The following CLIC5 variants were observed in gnomAD, a reference collection of about 807,000 sequenced individuals.
CLIC5 encodes the protein CLIC family member 5.
A neutral mutation model predicts 24.7 loss-of-function variants in CLIC5; 20 were observed. The ratio of observed to expected loss-of-function variants is 0.81; its 90% CI spans 0.57 to 1.18. The LOEUF (loss-of-function observed/expected upper bound fraction) is 1.18. Ranked by LOEUF, CLIC5 falls within the 50% of genes most tolerant of loss-of-function variation. CLIC5 has a pLI of 0.00. For synonymous variants in CLIC5, 159 were observed against 135.6 expected, an observed-to-expected ratio of 1.17 and a Z score of -1.20; for missense variants, 341 against 326.1, an observed-to-expected ratio of 1.05 and a Z score of -0.35.
intron 1 of CLIC5, among the ~76,000 whole-genome samples, chr6:46,020,879 C>G (rs1767158341): frequency 6.6e-6 from 1 of 151,626 alleles, no homozygotes; most frequent in Non-Finnish European, 1.5e-5. Context: ...AAGTAGATAA[C>G]CTGAATAGTC....
chr6:45,941,691 C>T (rs1197310662), intron 3 of CLIC5, 38 bp from the exon 4 acceptor site: 1 of 1,442,110 alleles, frequency 6.9e-7, no homozygotes, highest in African/African-American at 1.4e-5. Flanking sequence ...AATCAGTAGA[C>T]TTGGAGCTCC....
chr6:46,034,435 T>C (rs746952394), intron 1 of CLIC5, among the ~76,000 whole-genome samples: 2 of 152,200 alleles, frequency 1.3e-5, no homozygotes, highest in African/African-American at 2.4e-5. Context: ...TTTAACATAC[T>C]GTATTTAAGA....
At chr6:46,004,025 A>AC (rs1766453465) in intron 1 of CLIC5, among the ~76,000 whole-genome samples, 1 of 152,234 alleles carries the variant, frequency 6.6e-6, no homozygotes, top group African/African-American at 2.4e-5. Flanking sequence ...GTATGTACAC[A>AC]CAAGGAACCA....
the CLIC5 span, among the ~76,000 whole-genome samples, chr6:46,121,470 C>T: frequency 3.3e-4 from 50 of 152,314 alleles, no homozygotes; most frequent in South Asian, 1.5e-3. Flanking sequence ...CCAGCCACTA[C>T]AAAAACATGC....
the CLIC5 span, among the ~76,000 whole-genome samples, chr6:46,111,904 A>C: frequency 6.6e-6 from 1 of 152,146 alleles, no homozygotes; most frequent in South Asian, 2.1e-4. Context: ...TTCCCTGCAC[A>C]AGTTCTCTCT....
upstream of CLIC5, among the ~76,000 whole-genome samples, chr6:46,020,192 T>A (rs967697995): frequency 6.6e-6 from 1 of 152,152 alleles, no homozygotes; most frequent in Non-Finnish European, 1.5e-5. Flanking sequence ...CAGAACAAAC[T>A]TCATTACGTT....
At chr6:45,912,895 T>C (rs1042865855) in intron 5 of CLIC5, among the ~76,000 whole-genome samples, 1 of 152,254 alleles carries the variant, frequency 6.6e-6, no homozygotes, top group Non-Finnish European at 1.5e-5. Context: ...ACTCCATTTT[T>C]ATGCATGATT....
chr6:45,933,988 G>GA (rs2127355049), intron 4 of CLIC5, among the ~76,000 whole-genome samples: 1 of 152,334 alleles, frequency 6.6e-6, no homozygotes, highest in South Asian at 2.1e-4. Context: ...GAAGTCACAG[G>GA]AGGGGAGAGC....
upstream of CLIC5, among the ~76,000 whole-genome samples, chr6:46,082,486 G>A (rs577438123): frequency 6.2e-4 from 95 of 152,250 alleles, no homozygotes; most frequent in Non-Finnish European, 9.7e-4. Flanking sequence ...GGCCCACATG[G>A]CCCTGCATAA....
the CLIC5 span, among the ~76,000 whole-genome samples, chr6:46,088,073 G>C: frequency 2.3e-3 from 351 of 151,742 alleles, no homozygotes; most frequent in African/African-American, 8.2e-3. Context: ...ATCATTTAGG[G>C]ATTTTCTTCT....
chr6:46,044,982 G>A (rs913759293), intron 1 of CLIC5, among the ~76,000 whole-genome samples: 5 of 152,104 alleles, frequency 3.3e-5, no homozygotes, highest in African/African-American at 7.2e-5. Context: ...CTCCAGAAGC[G>A]GCTGGCATCT....
chr6:46,089,359 T>C, the CLIC5 span, among the ~76,000 whole-genome samples: 1 of 152,002 alleles, frequency 6.6e-6, no homozygotes, highest in African/African-American at 2.4e-5. Context: ...ATCATCTAAA[T>C]TTTCCCAGTC....
chr6:46,044,701 T>C (rs530911754), intron 1 of CLIC5, among the ~76,000 whole-genome samples: 12 of 152,298 alleles, frequency 7.9e-5, no homozygotes, highest in African/African-American at 2.4e-4. Flanking sequence ...CTATTTTTCT[T>C]ATATGATTTG....
At chr6:46,026,845 T>C (rs1767344228) in intron 1 of CLIC5, among the ~76,000 whole-genome samples, 1 of 151,954 alleles carries the variant, frequency 6.6e-6, no homozygotes, top group Non-Finnish European at 1.5e-5. Flanking sequence ...ACAATTGAAA[T>C]AAAGCTAACA....
At chr6:46,119,949 T>C in the CLIC5 span, among the ~76,000 whole-genome samples, 1 of 152,166 alleles carries the variant, frequency 6.6e-6, no homozygotes, top group Non-Finnish European at 1.5e-5. Context: ...TGGAACTGGG[T>C]GGAGCCCACC....
At chr6:46,012,432 C>T (rs537306053) in intron 1 of CLIC5, among the ~76,000 whole-genome samples, 1 of 152,314 alleles carries the variant, frequency 6.6e-6, no homozygotes, top group African/African-American at 2.4e-5. Context: ...GGGAAATAAT[C>T]TCTTAAAAGT....
intron 1 of CLIC5, among the ~76,000 whole-genome samples, chr6:46,038,843 C>G (rs1364257518): frequency 1.3e-5 from 2 of 152,100 alleles, no homozygotes; most frequent in African/African-American, 2.4e-5. Context: ...ATTTATCTTC[C>G]TAGATGTTGT....
At chr6:46,005,628 T>C (rs1318207985) in intron 1 of CLIC5, among the ~76,000 whole-genome samples, 2 of 152,176 alleles carry the variant, frequency 1.3e-5, no homozygotes, top group Non-Finnish European at 2.9e-5. Context: ...TGAATGTTTG[T>C]GTCCCCCCAG....
chr6:45,966,890 T>C (rs892551413), intron 1 of CLIC5, among the ~76,000 whole-genome samples: 1 of 152,232 alleles, frequency 6.6e-6, no homozygotes, highest in Non-Finnish European at 1.5e-5. Flanking sequence ...TGCCAACTGA[T>C]ATTTTTATGG....
Sources: gnomAD v4.1 joint callset for allele counts (sites outside exome capture counted in the v4.1 genomes callset) on GRCh38, gnomAD v4.1.1 for gene constraint, MANE v1.5 for transcripts, NCBI Gene and HGNC (gene_info 2026-07-23, HGNC 2026-07-21) for gene names.